ALDH7A1: variants seen among roughly 807,000 people sequenced by gnomAD.
ALDH7A1 encodes alpha-aminoadipic semialdehyde dehydrogenase.
In ALDH7A1, 63 loss-of-function variants were observed where a neutral mutation model predicts 79.9. That is an observed-to-expected ratio of 0.79 (90% CI 0.64 to 0.97). The LOEUF is 0.97. Among genes scored for constraint, ALDH7A1 ranks in the 50% least tolerant of loss-of-function variants. The probability of loss-of-function intolerance (pLI) is 0.00; values close to 1 mark genes in which losing one functional copy is unlikely to be tolerated. For synonymous variants in ALDH7A1, 240 were observed against 231.2 expected (o/e 1.04, Z -0.34); for missense variants, 627 against 665.2 (o/e 0.94, Z 0.63).
intron 9 of ALDH7A1, 70 bp from the exon 10 acceptor site, chr5:126,561,194 C>G: frequency 3.3e-6 from 4 of 1,226,748 alleles, no homozygotes; most frequent in African/African-American, 1.5e-5. Flanking sequence ...GCTACACAGC[C>G]TAATCCCAAT....
intron 3 of ALDH7A1, chr5:126,588,692 AT>A (rs1468042985): frequency 1.3e-5 from 2 of 152,176 alleles, no homozygotes; most frequent in Non-Finnish European, 2.9e-5. Flanking sequence ...ACACATGAAC[AT>A]TGGCTCATCA....
chr5:126,577,058 A>T (rs765967402), intron 6 of ALDH7A1, 21 bp downstream of exon 6: 2 of 1,613,464 alleles, frequency 1.2e-6, no homozygotes, highest in Non-Finnish European at 1.7e-6. Context: ...ACTACTAAAT[A>T]GGAAAGTGAG....
intron 9 of ALDH7A1, chr5:126,567,829 G>C (rs1488205737): frequency 5.7e-4 from 93 of 162,386 alleles, no homozygotes; most frequent in African/African-American, 2.3e-3. Context: ...TGCCGCCCAG[G>C]CTGGAGTGCA....
chr5:126,585,827 T>C (rs1751343013), intron 3 of ALDH7A1, among the ~76,000 whole-genome samples: 2 of 152,144 alleles, frequency 1.3e-5, no homozygotes, highest in South Asian at 4.1e-4. Flanking sequence ...CCTCCCAAAG[T>C]GCTGGGATTA....
chr5:126,557,482 G>C (rs552767255), intron 11 of ALDH7A1, among the ~76,000 whole-genome samples: 52 of 151,972 alleles, frequency 3.4e-4, no homozygotes, highest in African/African-American at 1.2e-3. Flanking sequence ...AGCTACTCAG[G>C]AGGCTGAGGT....
chr5:126,555,299 G>T (rs76419805), intron 12 of ALDH7A1: 25,769 of 152,830 alleles, frequency 0.17, 2,733 homozygotes, highest in Middle Eastern at 0.27. Context: ...CCTGGCCAAC[G>T]TGGCAAAACC....
rs1749694611 is a variant in ALDH7A1, at chr5:126,543,817, G to A, written c.*1148C>T. On this transcript the variant is annotated 3_prime_UTR_variant, in exon 18 of 18. Transcript: ENST00000409134. The stretch of plus-strand genomic sequence containing the variant: ...CTTCCCAGTGAGAAAAGGTGAGACT[G>A]TCAGCAAAGAGAAAGTGAACTTTGC... 1 of 152,178 alleles carries A rather than the reference G, an allele frequency of 6.6e-6. No individual in the cohort carries two copies. The highest frequency in any genetic ancestry group is 6.5e-5 in the Admixed American group (1 of 15,270). The allele number at this position is 152,178 out of a possible 1,614,324, so 9.4% of individuals were successfully genotyped here.
chr5:126,595,172 A>G lies in ALDH7A1; in HGVS notation c.27T>C (p.Cys9=), dbSNP rs1451693995. MWRLPRAL[C]VHAAKTSKLS... ...GCTTGCTGGTCTTTGCAGCGTGCAC[A>G]CACAGCGCGCGAGGAAGGCGCCACA... Residue 9 remains cysteine (C), a synonymous_variant, in exon 1 of 18, where the codon TGT becomes TGC. Transcript: ENST00000409134. The G allele has an allele frequency of 1.3e-6, 2 of 1,553,460 alleles. No individual in the cohort carries two copies. The highest frequency in any genetic ancestry group is 2.7e-5 in the African/African-American group (2 of 73,102).
chr5:126,547,460 G>A (rs1749828242), intron 16 of ALDH7A1, among the ~76,000 whole-genome samples: 1 of 152,174 alleles, frequency 6.6e-6, no homozygotes, highest in Non-Finnish European at 1.5e-5. Context: ...TCTGAGAGCT[G>A]GTACCCCACT....
rs946234634 is a variant in ALDH7A1, at chr5:126,544,644, C to G, written c.*321G>C. On this transcript the variant is annotated 3_prime_UTR_variant, in exon 18 of 18. Transcript: ENST00000409134. ...TTTTCTCCTCGGTTCTGTATTTTCC[C>G]AAATTCCTACCCTGGTACGTACTAT... The G allele has an allele frequency of 5.8e-6, 2 of 346,364 alleles. No individual in the cohort carries two copies. The highest frequency in any genetic ancestry group is 4.3e-5 in the African/African-American group (2 of 47,052). 21.5% of individuals were successfully genotyped at this position (346,364 alleles called of 1,614,324 possible).
Position 126,554,334 on chromosome 5 carries a change from C to G in ALDH7A1, c.1153G>C (p.Val385Leu), listed in dbSNP as rs2112759864. ...KQAVSMFLGA[V>L]EEAKKEGGTV... Reference sequence around the variant, plus strand: ...CCACCTTCTTTCTTTGCTTCTTCCACTGCTCCAAGAAACATGCTCACTGCC... The same window carrying G: ...CCACCTTCTTTCTTTGCTTCTTCCAGTGCTCCAAGAAACATGCTCACTGCC... The change falls in exon 13 of 18, where the codon GTG becomes CTG. Residue 385 changes from valine (V) to leucine (L), a missense_variant. Transcript: ENST00000409134. 6.2e-7 allele frequency: 1 copy of G among 1,614,188 alleles called. No individual in the cohort carries two copies. Among genetic ancestry groups the G allele is most frequent in the African/African-American group, 1.3e-5 (1 of 75,060 alleles).
intron 7 of ALDH7A1, among the ~76,000 whole-genome samples, chr5:126,573,612 C>A (rs769627934): frequency 6.6e-6 from 1 of 151,254 alleles, no homozygotes; most frequent in Non-Finnish European, 1.5e-5. Flanking sequence ...GCAGGAGAAT[C>A]GCTTGAACCC....
At position 126,554,286 on chromosome 5, in the gene ALDH7A1, C is replaced by A. The variant is rs1217642695; in HGVS notation, c.1200+1G>T. On this transcript the variant is annotated splice_donor_variant, in intron 13 of 17. Transcript: ENST00000409134. LOFTEE classifies it high-confidence loss of function. ...ACAATTGATCTCAGAGCATCCCTTACCTTGCCCCCATAGACCACTGTGCCA... is the reference window on the plus strand; with the variant it reads ...ACAATTGATCTCAGAGCATCCCTTAACTTGCCCCCATAGACCACTGTGCCA... 3.1e-6 allele frequency: 5 copies of A among 1,613,198 alleles called. No homozygotes were observed. The highest frequency in any genetic ancestry group is 4.2e-6 in the Non-Finnish European group (5 of 1,179,514).
Position 126,579,134 on chromosome 5 carries a change from T to C in ALDH7A1, c.518-1923A>G, listed in dbSNP as rs148666722. On this transcript the variant is annotated intron_variant, in intron 5 of 17. Transcript: ENST00000409134. ...CTCAGAATAAAGTCCAATCTCCTTG[T>C]CAGACAAAATCTCTTCCCGAGGTTC... Among the ~76,000 whole-genome samples the C allele has an allele frequency of 4.4e-4, 67 of 152,376 alleles. No homozygotes were observed. The East Asian group carries it at 6.9e-3, about 16-fold the overall frequency.
At chr5:126,550,794 T>C (rs574988118) in intron 14 of ALDH7A1, among the ~76,000 whole-genome samples, 7 of 152,340 alleles carry the variant, frequency 4.6e-5, no homozygotes, top group East Asian at 1.9e-4. Context: ...TGATAGGCAA[T>C]TTAAAGCAAG....
intron 16 of ALDH7A1, among the ~76,000 whole-genome samples, chr5:126,547,546 A>G (rs1461169792): frequency 6.6e-6 from 1 of 152,134 alleles, no homozygotes; most frequent in African/African-American, 2.4e-5. Flanking sequence ...ATGCAAGGGT[A>G]CTGGGTGCAT....
intron 5 of ALDH7A1, chr5:126,581,209 T>A (rs1751162091): frequency 6.6e-6 from 1 of 152,104 alleles, no homozygotes; most frequent in South Asian, 2.1e-4. Flanking sequence ...CAGAACAGCT[T>A]GTAATAGCAA....
intron 7 of ALDH7A1, among the ~76,000 whole-genome samples, chr5:126,572,777 C>T (rs569136853): frequency 8.5e-5 from 13 of 152,278 alleles, no homozygotes; most frequent in African/African-American, 2.9e-4. Context: ...TCCAATGGGG[C>T]TCTCACTTTC....
chr5:126,595,218 A>C lies in ALDH7A1; in HGVS notation c.-20T>G. On this transcript the variant is annotated 5_prime_UTR_variant, in exon 1 of 18. Transcript: ENST00000409134. ...CCACATACTGAGCCCGGGACTCGGG[A>C]TGAGCCCAAGGCCCTGAGAGCTGCT... 1 of 1,551,662 alleles carries C rather than the reference A, an allele frequency of 6.4e-7. No homozygotes were observed. Among genetic ancestry groups the C allele is most frequent in the Non-Finnish European group, 8.7e-7 (1 of 1,146,980 alleles).
Sources: allele counts gnomAD v4.1 joint callset (sites outside exome capture counted in the v4.1 genomes callset), GRCh38; gene constraint gnomAD v4.1.1; transcripts MANE v1.5; gene names NCBI Gene and HGNC (gene_info 2026-07-23, HGNC 2026-07-21).